The following ELOVL7 variants were observed in gnomAD, a reference collection of about 807,000 sequenced individuals.
ELOVL7 encodes the protein ELOVL fatty acid elongase 7, also known as very long chain fatty acid elongase 7.
Under a neutral mutation model 35.7 loss-of-function variants are expected in ELOVL7, and 27 were observed. The ratio of observed to expected loss-of-function variants is 0.76; its 90% confidence interval spans 0.56 to 1.04. ELOVL7 has a LOEUF of 1.04. Ranked by LOEUF, ELOVL7 falls within the 50% of genes least tolerant of loss-of-function variation. ELOVL7 has a pLI of 0.00. For synonymous variants in ELOVL7, 113 were observed against 114.6 expected, an observed-to-expected ratio of 0.99 and a Z score of 0.09; for missense variants, 327 against 340.8, an observed-to-expected ratio of 0.96 and a Z score of 0.32.
chr5:60,820,256 C>A (rs1182971905), intron 1 of ELOVL7, among the ~76,000 whole-genome samples: 1 of 152,194 alleles, frequency 6.6e-6, no homozygotes, highest in Non-Finnish European at 1.5e-5. Context: ...ATGGAGCCTC[C>A]TAATAAGAGC....
At chr5:60,794,386 T>C (rs1263509704) in intron 2 of ELOVL7, among the ~76,000 whole-genome samples, 2 of 152,228 alleles carry the variant, frequency 1.3e-5, no homozygotes, top group Non-Finnish European at 2.9e-5. Flanking sequence ...ATACACAGTG[T>C]GCCTGGGCAC....
At chr5:60,762,277 C>T (rs906483222) in intron 7 of ELOVL7, among the ~76,000 whole-genome samples, 1 of 85,634 alleles carries the variant, frequency 1.2e-5, no homozygotes, top group South Asian at 3.7e-4. Flanking sequence ...CCACCCTGGA[C>T]AACAAGAGTG....
intron 4 of ELOVL7, among the ~76,000 whole-genome samples, chr5:60,770,749 G>A (rs147189074): frequency 3.7e-4 from 57 of 152,266 alleles, no homozygotes; most frequent in African/African-American, 1.3e-3. Flanking sequence ...GTCTTGCTCC[G>A]TCACTAGACA....
intron 1 of ELOVL7, among the ~76,000 whole-genome samples, chr5:60,833,711 C>T (rs1292252484): frequency 6.6e-6 from 1 of 152,066 alleles, no homozygotes; most frequent in Non-Finnish European, 1.5e-5. Context: ...ATCATGTGAC[C>T]TTGGGCAAGG....
rs1435717096 is a variant in ELOVL7, at chr5:60,751,820, A to G, written c.*2804T>C. On this transcript the variant is annotated 3_prime_UTR_variant, in exon 9 of 9. Transcript: ENST00000508821. ...TGCAATACCACAAATTTATTATAAT[A>G]CACAGGGAAAAACAAACTCAAACTT... is the stretch of plus-strand genomic sequence containing the variant. 4 of 152,230 alleles carry G rather than the reference A, an allele frequency of 2.6e-5. No homozygotes were observed. Among genetic ancestry groups the G allele is most frequent in the African/African-American group, 9.6e-5 (4 of 41,462 alleles). The allele number at this position is 152,230 out of a possible 1,614,324, so 9.4% of individuals were successfully genotyped here. A position where few individuals can be genotyped will look rare whatever the true frequency, so the allele number is the denominator to read the frequency against.
intron 1 of ELOVL7, among the ~76,000 whole-genome samples, chr5:60,802,142 C>A (rs1476103150): frequency 7.6e-6 from 1 of 131,364 alleles, no homozygotes; most frequent in African/African-American, 2.9e-5. Context: ...ACACATATAT[C>A]CTATTGGTTC....
intron 8 of ELOVL7, 65 bp downstream of exon 8, chr5:60,757,444 T>C (rs527760044): frequency 6.6e-7 from 1 of 1,512,426 alleles, no homozygotes; most frequent in Non-Finnish European, 9.1e-7. Flanking sequence ...AGTATCCTAA[T>C]TCACAGTGAA....
chr5:60,774,163 C>G (rs998735395), intron 3 of ELOVL7, among the ~76,000 whole-genome samples: 13 of 152,316 alleles, frequency 8.5e-5, no homozygotes, highest in Middle Eastern at 3.4e-3. Context: ...ACACCAAAAT[C>G]TGGCAAAGAC....
In ELOVL7 at chr5:60,752,270, T is replaced by C. The variant is rs559509009; in HGVS notation, c.*2354A>G. 1.3e-5 allele frequency: 2 copies of C among 152,758 alleles called. No homozygotes were observed. Among genetic ancestry groups the C allele is most frequent in the African/African-American group, 4.8e-5 (2 of 41,580 alleles). The allele number at this position is 152,758 out of a possible 1,614,324, so 9.5% of individuals were successfully genotyped here. A position where few individuals can be genotyped will look rare whatever the true frequency, so the allele number is the denominator to read the frequency against. Reference sequence around the variant, plus strand: ...ATACTTCTAGCAGCTGTGATTTCTTTTGTAGCATTCTGGCTCTCCACTTCT... The same window carrying C: ...ATACTTCTAGCAGCTGTGATTTCTTCTGTAGCATTCTGGCTCTCCACTTCT... On this transcript the variant is annotated 3_prime_UTR_variant, in exon 9 of 9. Transcript: ENST00000508821.
At position 60,757,685 on chromosome 5, in the gene ELOVL7, T is replaced by C. The variant is rs538889611; in HGVS notation, c.500-40A>G. 9.4e-6 allele frequency: 14 copies of C among 1,493,776 alleles called. No homozygotes were observed. The Admixed American group carries it at 2.6e-4, about 28-fold the overall frequency. 92.5% of individuals were successfully genotyped at this position (1,493,776 alleles called of 1,614,324 possible). A position where few individuals can be genotyped will look rare whatever the true frequency, so the allele number is the denominator to read the frequency against. On this transcript the variant is annotated intron_variant, in intron 7 of 8. Coordinates refer to ENST00000508821, the MANE Select transcript of ELOVL7 (RefSeq NM_024930.3). ...TATTGTAACATGGGGCCATTGTTCC[T>C]TAAAATGAACCACATTTTCATCTGA...
intron 5 of ELOVL7, among the ~76,000 whole-genome samples, chr5:60,767,336 C>T: frequency 6.6e-6 from 1 of 152,136 alleles, no homozygotes; most frequent in East Asian, 1.9e-4. Context: ...CCAGGCAATC[C>T]ACCCGCCTCA....
chr5:60,802,799 T>G (rs1744721533), intron 1 of ELOVL7: 1 of 152,214 alleles, frequency 6.6e-6, no homozygotes, highest in African/African-American at 2.4e-5. Flanking sequence ...CTTTCTATTT[T>G]TCAAATGGCA....
At chr5:60,773,169 A>C (rs1742701011) in intron 3 of ELOVL7, among the ~76,000 whole-genome samples, 1 of 152,210 alleles carries the variant, frequency 6.6e-6, no homozygotes, top group Non-Finnish European at 1.5e-5. Flanking sequence ...TTCAGGTTTA[A>C]TTTTACTAAA....
chr5:60,784,207 A>C, intron 3 of ELOVL7: 2 of 1,303,122 alleles, frequency 1.5e-6, no homozygotes, highest in South Asian at 3.0e-5. Context: ...TAATGAAATG[A>C]AGAAGCTGGA....
chr5:60,766,607 A>G lies in ELOVL7; in HGVS notation c.360T>C (p.Tyr120=), dbSNP rs764910059. Residue 120 remains tyrosine (Y), a synonymous_variant, in exon 6 of 9, where the codon TAT becomes TAC. Transcript: ENST00000508821. ...ATAGCTCAATAAATTTGGAGAAGTA[A>G]TAAAGCCAGCAGGTACGTGCCATCT... ...ALRMARTCWL[Y]YFSKFIELLD... is the part of the protein sequence containing the mutation. 15 of 1,613,194 alleles carry G rather than the reference A, an allele frequency of 9.3e-6. No individual in the cohort carries two copies. In the Admixed American group the frequency reaches 2.5e-4, roughly 27 times the overall value.
intron 6 of ELOVL7, among the ~76,000 whole-genome samples, chr5:60,765,660 G>A (rs976982339): frequency 1.3e-5 from 2 of 152,086 alleles, no homozygotes; most frequent in African/African-American, 4.8e-5. Flanking sequence ...GGTGGGGGTC[G>A]AGGCAGCTGT....
chr5:60,803,122 A>G (rs760615052), intron 1 of ELOVL7, among the ~76,000 whole-genome samples: 1 of 152,186 alleles, frequency 6.6e-6, no homozygotes, highest in Non-Finnish European at 1.5e-5. Flanking sequence ...ATTGCATCAC[A>G]TGCCAACATT....
intron 1 of ELOVL7, among the ~76,000 whole-genome samples, chr5:60,822,632 C>G (rs1745952259): frequency 6.6e-6 from 1 of 152,130 alleles, no homozygotes; most frequent in Admixed American, 6.5e-5. Flanking sequence ...GCTTTTGGAA[C>G]TTCACATCTA....
At chr5:60,782,193 A>C (rs1372555763) in intron 3 of ELOVL7, among the ~76,000 whole-genome samples, 2 of 152,242 alleles carry the variant, frequency 1.3e-5, no homozygotes, top group African/African-American at 2.4e-5. Context: ...TTAAAAAAAC[A>C]AAGAGATATA....
Sources: allele counts gnomAD v4.1 joint callset (sites outside exome capture counted in the v4.1 genomes callset), GRCh38; gene constraint gnomAD v4.1.1; transcripts MANE v1.5; gene names NCBI Gene and HGNC (gene_info 2026-07-23, HGNC 2026-07-21).